The following ZNF345 variants were observed in gnomAD, a reference collection of about 807,000 sequenced individuals.
ZNF345 encodes the protein zinc finger protein HZF10.
For synonymous variants in ZNF345, 166 were observed against 187.9 expected (o/e 0.88, Z 0.95); for missense variants, 527 against 589.9 (o/e 0.89, Z 1.10).
At position 36,855,860 on chromosome 19, in the gene ZNF345, T is replaced by C. The variant is rs116670338; in HGVS notation, c.-47+3956T>C. Reference sequence around the variant, plus strand: ...TTGCCATCTTTTCTTACCAACTCTTTAGTTCACATATTGTCTTCATTGGGA... The same window carrying C: ...TTGCCATCTTTTCTTACCAACTCTTCAGTTCACATATTGTCTTCATTGGGA... On this transcript the variant is annotated intron_variant, in intron 2 of 2. Transcript: ENST00000420450. Among the ~76,000 whole-genome samples the C allele has an allele frequency of 4.1e-3, 618 of 152,364 alleles. 5 individuals are homozygous for C. The highest frequency in any genetic ancestry group is 0.014 in the African/African-American group (589 of 41,582).
In ZNF345 at chr19:36,877,912, A is replaced by C. The variant is rs2072923329; in HGVS notation, c.1082A>C (p.His361Pro). Residue 361 changes from histidine to proline, a missense_variant, in exon 3 of 3, where the codon CAC becomes CCC. His to Pro is a moderately conservative substitution (Grantham distance 77). Transcript: ENST00000420450. ...FSSGSDLTQH[H>P]RIHTGEKPYE... ...AGTGGTTCAGACCTTACTCAACATC[A>C]CAGAATTCATACTGGTGAGAAACCC... 2 of 1,613,982 alleles carry C rather than the reference A, an allele frequency of 1.2e-6. No individual in the cohort carries two copies. Among genetic ancestry groups the C allele is most frequent in the South Asian group, 1.1e-5 (1 of 91,090 alleles).
In ZNF345 at chr19:36,892,213, A is replaced by C; in HGVS notation, c.47-605A>C. 1.9e-6 allele frequency: 3 copies of C among 1,614,116 alleles called. No individual in the cohort carries two copies. In the South Asian group the frequency reaches 3.3e-5, roughly 18 times the overall value. ...TCGAGTAACGAGTGAGCCACGACTA[A>C]AGGACTTCCCATACTCCTTAGATTC... On this transcript the variant is annotated intron_variant, in intron 3 of 3. Transcript: ENST00000526123.
At chr19:36,863,099 T>G (rs2072587053) in intron 2 of ZNF345, 1 of 152,216 alleles carries the variant, frequency 6.6e-6, no homozygotes, top group Admixed American at 6.5e-5. Flanking sequence ...TTCTGTTATT[T>G]AAACCATCCA....
chr19:36,877,180 C>G lies in ZNF345; in HGVS notation c.350C>G (p.Pro117Arg). 3 of 1,614,022 alleles carry G rather than the reference C, an allele frequency of 1.9e-6. No individual in the cohort carries two copies. Among genetic ancestry groups the G allele is most frequent in the Non-Finnish European group, 2.5e-6 (3 of 1,180,012 alleles). ...CAAAGAATTCATACTGGTGAGAAGC[C>G]TTTTGAATGTAAAGAATGTGGGAAG... ...YHQRIHTGEK[P>R]FECKECGKAF... The change falls in exon 3 of 3, where the codon CCT becomes CGT. Residue 117 changes from proline to arginine, a missense_variant. By Grantham distance (103) the Pro-to-Arg change is moderately radical (BLOSUM62 -2). Coordinates refer to ENST00000420450, the MANE Select transcript of ZNF345 (RefSeq NM_001242472.2).
chr19:36,876,355 C>T (rs2146201755), intron 2 of ZNF345, among the ~76,000 whole-genome samples: 1 of 152,204 alleles, frequency 6.6e-6, no homozygotes, highest in East Asian at 1.9e-4. Flanking sequence ...AAATGTAGTA[C>T]TCCCAACAAC....
At chr19:36,873,239 T>C (rs1443048102) in intron 2 of ZNF345, among the ~76,000 whole-genome samples, 1 of 152,174 alleles carries the variant, frequency 6.6e-6, no homozygotes, top group Non-Finnish European at 1.5e-5. Context: ...ATATACGTTG[T>C]GACTTTTGAG....
chr19:36,857,473 AT>A (rs2072446541), intron 2 of ZNF345, among the ~76,000 whole-genome samples: 1 of 151,628 alleles, frequency 6.6e-6, no homozygotes, highest in Non-Finnish European at 1.5e-5. Context: ...CGCCCAGCTA[AT>A]TTTTTTGTAT....
upstream of ZNF345, chr19:36,850,380 C>T (rs1046798754): frequency 6.6e-6 from 1 of 152,256 alleles, no homozygotes; most frequent in Non-Finnish European, 1.5e-5. Context: ...AAAGCTTGCC[C>T]CAGAGGACTT....
chr19:36,855,770 C>T (rs918660109), intron 2 of ZNF345, among the ~76,000 whole-genome samples: 15 of 151,880 alleles, frequency 9.9e-5, no homozygotes, highest in Admixed American at 7.2e-4. Flanking sequence ...TTTTTAACTA[C>T]GCTTTTCTCT....
chr19:36,857,690 CT>C (rs2072451948), intron 2 of ZNF345, among the ~76,000 whole-genome samples: 1 of 152,228 alleles, frequency 6.6e-6, no homozygotes, highest in Admixed American at 6.5e-5. Context: ...ATCTGCTTTT[CT>C]AACTGCCAGT....
chr19:36,891,888 A>G (rs753169453), intron 3 of ZNF345: 1 of 1,614,018 alleles, frequency 6.2e-7, no homozygotes, highest in Admixed American at 1.7e-5. Flanking sequence ...AGGCTTTCCC[A>G]CATTCTTTAC....
chr19:36,888,513 A>T (rs1251450578), intron 3 of ZNF345: 1 of 152,196 alleles, frequency 6.6e-6, no homozygotes, highest in Non-Finnish European at 1.5e-5. Flanking sequence ...ACAGTAACTT[A>T]TTAGCATAAT....
At chr19:36,888,695 T>C (rs1209563135) in intron 3 of ZNF345, 1 of 152,202 alleles carries the variant, frequency 6.6e-6, no homozygotes, top group Non-Finnish European at 1.5e-5. Context: ...AATAGGATTT[T>C]TTTTGGTTTT....
chr19:36,887,349 G>A (rs1358536469), intron 3 of ZNF345, among the ~76,000 whole-genome samples: 1 of 152,158 alleles, frequency 6.6e-6, no homozygotes, highest in African/African-American at 2.4e-5. Context: ...GGAATAAAGT[G>A]TAAGCTTTAG....
intron 3 of ZNF345, chr19:36,892,605 G>C: frequency 1.1e-6 from 1 of 943,598 alleles, no homozygotes; most frequent in South Asian, 1.8e-5. Context: ...GAGGCAATCT[G>C]TAAAACTGAC....
intron 2 of ZNF345, among the ~76,000 whole-genome samples, chr19:36,868,622 G>A (rs904613240): frequency 2.7e-5 from 4 of 148,560 alleles, no homozygotes; most frequent in Non-Finnish European, 4.4e-5. Flanking sequence ...ATGGATATGA[G>A]GAGTGGCTTT....
At chr19:36,891,729 A>G (rs778409148) in intron 3 of ZNF345, 1 of 1,614,142 alleles carries the variant, frequency 6.2e-7, no homozygotes, top group South Asian at 1.1e-5. Flanking sequence ...TACATTCTTC[A>G]CATTCATAGA....
chr19:36,891,703 T>C (rs1600727135), intron 3 of ZNF345: 4 of 1,614,058 alleles, frequency 2.5e-6, no homozygotes, highest in Non-Finnish European at 3.4e-6. Flanking sequence ...TTCTGAGCTC[T>C]GAATAAAGGC....
At chr19:36,886,259 C>T (rs899628021) in intron 3 of ZNF345, among the ~76,000 whole-genome samples, 7 of 152,216 alleles carry the variant, frequency 4.6e-5, no homozygotes, top group South Asian at 2.1e-4. Flanking sequence ...TCCTTAAGTA[C>T]GTGCTGTGCA....
Sources: gnomAD v4.1 joint callset for allele counts (sites outside exome capture counted in the v4.1 genomes callset) on GRCh38, gnomAD v4.1.1 for gene constraint, MANE v1.5 for transcripts, NCBI Gene and HGNC (gene_info 2026-07-23, HGNC 2026-07-21) for gene names.